The following JAK2 variants were observed in gnomAD, a reference collection of about 807,000 sequenced individuals.
JAK2 encodes the protein tyrosine-protein kinase JAK2.
A neutral mutation model predicts 139.3 loss-of-function variants in JAK2; 86 were observed. That is an observed-to-expected ratio of 0.62 (90% CI 0.52 to 0.74). The LOEUF (loss-of-function observed/expected upper bound fraction) is 0.74, where lower values mean the gene tolerates loss of function less well. Among genes scored for constraint, JAK2 ranks in the 30% least tolerant of loss-of-function variants. JAK2 has a pLI of 0.00. For synonymous variants in JAK2, 490 were observed against 437.7 expected (o/e 1.12, Z -1.49); for missense variants, 1,421 against 1,360.3 (o/e 1.04, Z -0.70).
chr9:5,118,997 T>C (rs904634695), intron 22 of JAK2, among the ~76,000 whole-genome samples: 3 of 152,204 alleles, frequency 2.0e-5, no homozygotes, highest in Non-Finnish European at 4.4e-5. Context: ...TGGATGTACC[T>C]TGTTTAAACT....
At chr9:5,027,149 A>C (rs1483056104) in intron 3 of JAK2, among the ~76,000 whole-genome samples, 1 of 152,214 alleles carries the variant, frequency 6.6e-6, no homozygotes, top group African/African-American at 2.4e-5. Flanking sequence ...ACCAGATGAA[A>C]TGTTTTAAAA....
intron 5 of JAK2, among the ~76,000 whole-genome samples, chr9:5,046,462 A>G (rs1398818497): frequency 2.0e-5 from 3 of 152,196 alleles, no homozygotes; most frequent in Non-Finnish European, 2.9e-5. Context: ...TGTCATATCC[A>G]AGAAATCATT....
intron 8 of JAK2, among the ~76,000 whole-genome samples, chr9:5,057,581 T>A (rs1817854053): frequency 3.8e-5 from 1 of 26,204 alleles, no homozygotes. Context: ...TTCTACTTTC[T>A]TTTTTTTTTT....
chr9:5,054,548 C>CT lies in JAK2; in HGVS notation c.615-9dup, dbSNP rs750701291. ...GTTTTGTTTTGTTTTTCTGTATGTG[C>CT]TTTTTTATCCCTAGCTACAAGACAT... On this transcript the variant is annotated splice_polypyrimidine_tract_variant and intron_variant, in intron 6 of 24. Coordinates refer to ENST00000381652, the MANE Select transcript of JAK2 (RefSeq NM_004972.4). This position sits in a 1 kb window ranked among gnomAD's most constrained non-coding sequence, Gnocchi z 4.9. The CT allele has an allele frequency of 2.1e-5, 32 of 1,537,174 alleles. No homozygotes were observed. The highest frequency in any genetic ancestry group is 2.6e-5 in the Non-Finnish European group (30 of 1,141,630).
At chr9:5,020,703 C>G (rs1822361728) in intron 2 of JAK2, among the ~76,000 whole-genome samples, 1 of 152,162 alleles carries the variant, frequency 6.6e-6, no homozygotes, top group Admixed American at 6.5e-5. Context: ...AGCTTGTCCT[C>G]AGGGCACATA....
At chr9:5,116,777 A>T (rs1286413678) in intron 22 of JAK2, among the ~76,000 whole-genome samples, 1 of 152,224 alleles carries the variant, frequency 6.6e-6, no homozygotes, top group Non-Finnish European at 1.5e-5. Flanking sequence ...GTGATAGGCA[A>T]ATTCAACTGA....
intron 2 of JAK2, among the ~76,000 whole-genome samples, chr9:4,987,094 A>G (rs1819988645): frequency 6.6e-6 from 1 of 152,244 alleles, no homozygotes; most frequent in Non-Finnish European, 1.5e-5. Context: ...TAACGTATGT[A>G]CAGACTGGAT....
intron 22 of JAK2, chr9:5,111,821 C>G: frequency 2.4e-6 from 1 of 419,908 alleles, no homozygotes; most frequent in Admixed American, 2.7e-5. Context: ...GGCGGCGTCT[C>G]CAGCCACACG....
At chr9:5,082,074 C>T (rs573052261) in intron 19 of JAK2, among the ~76,000 whole-genome samples, 12 of 152,286 alleles carry the variant, frequency 7.9e-5, no homozygotes, top group African/African-American at 2.6e-4. Context: ...GGGTAATTCT[C>T]GTCAGGTGGG....
rs746894598 is a variant in JAK2 at position 5,126,377 on chromosome 9, C to T, written c.3222C>T (p.Ile1074=). 39 of 1,610,692 alleles carry T rather than the reference C, an allele frequency of 2.4e-5. No individual in the cohort carries two copies. Among genetic ancestry groups the T allele is most frequent in the Non-Finnish European group, 3.0e-5 (35 of 1,177,928 alleles). Reference sequence around the variant, plus strand: ...GCAATGACAAACAAGGACAGATGATCGTGTTCCATTTGATAGAACTTTTGA... The same window carrying T: ...GCAATGACAAACAAGGACAGATGATTGTGTTCCATTTGATAGAACTTTTGA... ...MIGNDKQGQM[I]VFHLIELLKN... is the part of the protein sequence containing the mutation. Residue 1074 remains isoleucine, a synonymous_variant, in exon 24 of 25, where the codon ATC becomes ATT. Transcript: ENST00000381652.
At chr9:5,086,539 T>C (rs1042111592) in intron 19 of JAK2, among the ~76,000 whole-genome samples, 1 of 152,192 alleles carries the variant, frequency 6.6e-6, no homozygotes, top group African/African-American at 2.4e-5. Context: ...TTAGTACTCA[T>C]TGTTTTCTCA....
chr9:5,071,393 T>A (rs144760003), intron 12 of JAK2, among the ~76,000 whole-genome samples: 1 of 152,028 alleles, frequency 6.6e-6, no homozygotes, highest in Non-Finnish European at 1.5e-5. Context: ...ATACAGACTA[T>A]AAAATACATA....
intron 4 of JAK2, among the ~76,000 whole-genome samples, chr9:5,032,965 T>A (rs890162261): frequency 7.9e-5 from 12 of 152,116 alleles, no homozygotes; most frequent in Non-Finnish European, 1.6e-4. Flanking sequence ...AGGAGGAAGT[T>A]TGAACTCATG....
At chr9:5,101,502 G>C (rs757151771) in intron 22 of JAK2, among the ~76,000 whole-genome samples, 17 of 152,248 alleles carry the variant, frequency 1.1e-4, no homozygotes, top group Admixed American at 3.3e-4. Flanking sequence ...AAACGTCCCT[G>C]TCTGACAGCT....
chr9:5,028,399 T>G (rs1478190507), intron 3 of JAK2, among the ~76,000 whole-genome samples: 1 of 152,214 alleles, frequency 6.6e-6, no homozygotes, highest in Non-Finnish European at 1.5e-5. Context: ...TTGTCCCATT[T>G]ATAGAGCACA....
chr9:5,075,188 G>A (rs1423224903), intron 14 of JAK2, among the ~76,000 whole-genome samples: 4 of 151,996 alleles, frequency 2.6e-5, no homozygotes, highest in Non-Finnish European at 5.9e-5. Flanking sequence ...CATGTGCACA[G>A]CATAAGTGCA....
At chr9:5,036,881 G>C (rs575583175) in intron 4 of JAK2, among the ~76,000 whole-genome samples, 2 of 152,262 alleles carry the variant, frequency 1.3e-5, no homozygotes, top group African/African-American at 4.8e-5. Flanking sequence ...TTAAACCAAA[G>C]AGCTTCTGCA....
At chr9:5,106,746 G>A in intron 22 of JAK2, among the ~76,000 whole-genome samples, 1 of 152,156 alleles carries the variant, frequency 6.6e-6, no homozygotes, top group East Asian at 1.9e-4. Flanking sequence ...CATGTCCTTT[G>A]CAGGGACATG....
At chr9:5,107,073 C>A (rs1224921412) in intron 22 of JAK2, among the ~76,000 whole-genome samples, 2 of 152,090 alleles carry the variant, frequency 1.3e-5, no homozygotes, top group Non-Finnish European at 2.9e-5. Context: ...AGCACTTTGG[C>A]TTTGAAGCCA....
Sources: gnomAD v4.1 joint callset for allele counts (sites outside exome capture counted in the v4.1 genomes callset) on GRCh38, gnomAD v4.1.1 for gene constraint, Gnocchi (gnomAD v3.1) non-coding constraint, MANE v1.5 for transcripts, NCBI Gene and HGNC (gene_info 2026-07-23, HGNC 2026-07-21) for gene names.